GPATCH2: variants seen among roughly 807,000 people sequenced by gnomAD.
The protein encoded by GPATCH2 is G patch domain-containing protein 2.
In GPATCH2, 51 loss-of-function variants were observed where a neutral mutation model predicts 58.0. The ratio of observed to expected loss-of-function variants is 0.88; its 90% confidence interval spans 0.70 to 1.11. The LOEUF (loss-of-function observed/expected upper bound fraction) is 1.11, where lower values mean the gene tolerates loss of function less well. Ranked by LOEUF, GPATCH2 falls within the 50% of genes most tolerant of loss-of-function variation. GPATCH2 has a pLI of 0.00. For synonymous variants in GPATCH2, 222 were observed against 218.5 expected (o/e 1.02, Z -0.14); for missense variants, 625 against 652.2 (o/e 0.96, Z 0.45).
chr1:217,538,688 G>A (rs1274945288), intron 5 of GPATCH2, among the ~76,000 whole-genome samples: 1 of 152,166 alleles, frequency 6.6e-6, no homozygotes, highest in African/African-American at 2.4e-5. Context: ...ACCATGAAGA[G>A]CAGAAGAGCT....
chr1:217,567,604 T>A (rs189850822), intron 5 of GPATCH2, among the ~76,000 whole-genome samples: 1 of 152,222 alleles, frequency 6.6e-6, no homozygotes, highest in Non-Finnish European at 1.5e-5. Context: ...GAAATGCCCA[T>A]ATGTAATGGT....
intron 5 of GPATCH2, among the ~76,000 whole-genome samples, chr1:217,588,997 T>G (rs1416093574): frequency 6.6e-6 from 1 of 152,178 alleles, no homozygotes; most frequent in Non-Finnish European, 1.5e-5. Context: ...TTAGGACATT[T>G]TCATCGAAGG....
chr1:217,498,223 C>A, intron 7 of GPATCH2, 133 bp downstream of exon 7: 3 of 793,096 alleles, frequency 3.8e-6, no homozygotes, highest in Non-Finnish European at 6.9e-6. Context: ...TAATCGTTGA[C>A]ATAATTAACA....
intron 5 of GPATCH2, among the ~76,000 whole-genome samples, chr1:217,560,706 C>A (rs1204481506): frequency 6.6e-6 from 1 of 152,156 alleles, no homozygotes; most frequent in Non-Finnish European, 1.5e-5. Context: ...CAGGTTAATT[C>A]TTTGCTGTGG....
At chr1:217,466,886 A>G (rs142356666) in intron 8 of GPATCH2, among the ~76,000 whole-genome samples, 1,727 of 152,300 alleles carry the variant, frequency 0.011, 12 homozygotes, top group Middle Eastern at 0.048. Context: ...ATGAAAGGAT[A>G]TATCTGCTGG....
intron 9 of GPATCH2, among the ~76,000 whole-genome samples, chr1:217,445,513 T>A (rs796938874): frequency 5.3e-5 from 8 of 152,248 alleles, no homozygotes; most frequent in African/African-American, 1.9e-4. Context: ...AACTATAAAA[T>A]GCATTCTGCT....
intron 5 of GPATCH2, among the ~76,000 whole-genome samples, chr1:217,557,771 A>C (rs538401251): frequency 1.5e-4 from 23 of 152,232 alleles, no homozygotes; most frequent in South Asian, 6.2e-4. Context: ...GTTCTGTTCC[A>C]CTTGTTTATT....
chr1:217,574,321 G>A (rs769150847), intron 5 of GPATCH2, among the ~76,000 whole-genome samples: 3 of 152,136 alleles, frequency 2.0e-5, no homozygotes, highest in Non-Finnish European at 2.9e-5. Flanking sequence ...CAAAGCTGCC[G>A]TGGAAATTTA....
In GPATCH2 at chr1:217,586,946, C is replaced by T. The variant is rs113546127; in HGVS notation, c.1098+23375G>A. 4.3e-3 allele frequency among the ~76,000 whole-genome samples: 651 copies of T among 152,114 alleles called. 4 individuals carry two copies. The highest frequency in any genetic ancestry group is 0.015 in the African/African-American group (622 of 41,488). On this transcript the variant is annotated intron_variant, in intron 5 of 9. Coordinates refer to ENST00000366935, the MANE Select transcript of GPATCH2 (RefSeq NM_018040.5). ...AAAAACACAAAGCTATAAATAAAGG[C>T]GAGGATATGATTAACATAAAATTCT... is the stretch of plus-strand genomic sequence containing the variant.
chr1:217,501,955 T>C (rs1662326969), intron 6 of GPATCH2, among the ~76,000 whole-genome samples: 1 of 152,122 alleles, frequency 6.6e-6, no homozygotes, highest in Non-Finnish European at 1.5e-5. Context: ...TCAAATATTG[T>C]TGAAAAGACT....
At chr1:217,466,954 C>T (rs1023322012) in intron 8 of GPATCH2, among the ~76,000 whole-genome samples, 1 of 152,174 alleles carries the variant, frequency 6.6e-6, no homozygotes, top group African/African-American at 2.4e-5. Context: ...AGGCGGATTG[C>T]CTGAGGTCAG....
chr1:217,588,146 C>T (rs916906812), intron 5 of GPATCH2, among the ~76,000 whole-genome samples: 8 of 152,178 alleles, frequency 5.3e-5, no homozygotes, highest in African/African-American at 1.4e-4. Flanking sequence ...TCAATTCCCT[C>T]CCTCCCTTGG....
At chr1:217,584,330 T>TAAAAAAA (rs1168175978) in intron 5 of GPATCH2, among the ~76,000 whole-genome samples, 402 of 88,702 alleles carry the variant, frequency 4.5e-3, no homozygotes, top group African/African-American at 0.016. Context: ...TCACCTCTAC[T>TAAAAAAA]AAAAAAAAAA....
rs991260550 is a variant in GPATCH2, at chr1:217,428,499, T to A, written c.*2646A>T. On this transcript the variant is annotated 3_prime_UTR_variant, in exon 10 of 10. Transcript: ENST00000366935. Reference sequence around the variant, plus strand: ...ATTTTAATTGCGTTTGTTTCTCCAATTAAGTTCAGGTACAACCAGAACATC... The same window carrying A: ...ATTTTAATTGCGTTTGTTTCTCCAAATAAGTTCAGGTACAACCAGAACATC... 3.9e-5 allele frequency: 6 copies of A among 152,202 alleles called. No homozygotes were observed. The highest frequency in any genetic ancestry group is 1.4e-4 in the African/African-American group (6 of 41,452). 9.4% of individuals were successfully genotyped at this position (152,202 alleles called of 1,614,324 possible).
intron 7 of GPATCH2, among the ~76,000 whole-genome samples, chr1:217,496,993 T>C (rs531458719): frequency 6.6e-6 from 1 of 152,294 alleles, no homozygotes; most frequent in South Asian, 2.1e-4. Context: ...GGTCAATTTC[T>C]TCCCTATAAG....
intron 5 of GPATCH2, among the ~76,000 whole-genome samples, chr1:217,578,965 T>C (rs1032479704): frequency 1.3e-5 from 2 of 152,232 alleles, no homozygotes; most frequent in Admixed American, 6.5e-5. Flanking sequence ...AGTGAAAATA[T>C]GCAAATAAAG....
chr1:217,467,835 G>C lies in GPATCH2; in HGVS notation c.1278-18498C>G, dbSNP rs181709576. ...CTTCTTGGAGAAGTGGGTGACTCCT[G>C]GTCTAAGCCAGAAAAGGTCCAAGAA... On this transcript the variant is annotated intron_variant, in intron 8 of 9. Coordinates refer to ENST00000366935, the MANE Select transcript of GPATCH2 (RefSeq NM_018040.5). Among the ~76,000 whole-genome samples, 5 of 152,200 alleles carry C rather than the reference G, an allele frequency of 3.3e-5. No individual in the cohort carries two copies. In the East Asian group the frequency reaches 9.7e-4, roughly 29 times the overall value.
chr1:217,623,718 A>G (rs1268597868), intron 1 of GPATCH2, among the ~76,000 whole-genome samples: 3 of 152,010 alleles, frequency 2.0e-5, no homozygotes, highest in African/African-American at 7.2e-5. Flanking sequence ...CTTGGCCAAC[A>G]TGGTGAAACC....
At chr1:217,608,446 C>T (rs1668464022) in intron 5 of GPATCH2, 1 of 985,012 alleles carries the variant, frequency 1.0e-6, no homozygotes. Flanking sequence ...GGGAAAGCAG[C>T]TTTTAGTATG....
Sources: gnomAD v4.1 joint callset for allele counts (sites outside exome capture counted in the v4.1 genomes callset) on GRCh38, gnomAD v4.1.1 for gene constraint, MANE v1.5 for transcripts, NCBI Gene and HGNC (gene_info 2026-07-23, HGNC 2026-07-21) for gene names.